The following AGBL4 variants were observed in gnomAD, a reference collection of about 807,000 sequenced individuals.
AGBL4 encodes cytosolic carboxypeptidase 6.
In AGBL4, 58 loss-of-function variants were observed where a neutral mutation model predicts 66.4. The observed-to-expected ratio is 0.87, with a 90% CI of 0.71 to 1.09. The LOEUF is 1.09. AGBL4 is among the 50% of genes least tolerant of loss of function. The pLI, the probability that AGBL4 is intolerant of heterozygous loss-of-function variation, is 0.00. For synonymous variants in AGBL4, 234 were observed against 222.9 expected (o/e 1.05, Z -0.44); for missense variants, 579 against 631.0 (o/e 0.92, Z 0.88).
intron 5 of AGBL4, among the ~76,000 whole-genome samples, chr1:48,971,795 C>A (rs1658926390): frequency 6.6e-6 from 1 of 152,132 alleles, no homozygotes; most frequent in South Asian, 2.1e-4. Flanking sequence ...TTTTACTGTA[C>A]ATAAACCTCA....
chr1:49,403,551 G>A (rs1318064377), intron 3 of AGBL4, among the ~76,000 whole-genome samples: 1 of 152,118 alleles, frequency 6.6e-6, no homozygotes, highest in Admixed American at 6.5e-5. Context: ...TTTTCTGTCT[G>A]AAAGGTCACA....
At chr1:49,476,408 G>GTAGATTAT (rs1646846226) in intron 3 of AGBL4, among the ~76,000 whole-genome samples, 1 of 152,000 alleles carries the variant, frequency 6.6e-6, no homozygotes, top group Admixed American at 6.6e-5. Context: ...TTCTGTAGAT[G>GTAGATTAT]TCTATTAGAT....
chr1:49,353,228 T>G (rs1230079295), intron 3 of AGBL4, among the ~76,000 whole-genome samples: 1 of 152,282 alleles, frequency 6.6e-6, no homozygotes, highest in East Asian at 1.9e-4. Flanking sequence ...AAAGTTTCAG[T>G]TTATTCATCA....
chr1:48,635,705 C>T (rs1011429595), intron 8 of AGBL4, among the ~76,000 whole-genome samples: 1 of 152,198 alleles, frequency 6.6e-6, no homozygotes, highest in African/African-American at 2.4e-5. Context: ...TCATGGACTG[C>T]ACTCTCCCTA....
intron 2 of AGBL4, among the ~76,000 whole-genome samples, chr1:49,760,980 T>G (rs930771897): frequency 2.0e-5 from 3 of 151,350 alleles, no homozygotes; most frequent in Non-Finnish European, 4.4e-5. Context: ...TGAGAACACA[T>G]GGACTCAGAG....
intron 4 of AGBL4, among the ~76,000 whole-genome samples, chr1:49,232,425 G>A (rs1042540546): frequency 3.3e-5 from 5 of 152,174 alleles, no homozygotes; most frequent in African/African-American, 9.6e-5. Context: ...TTGGCTGGGC[G>A]CGGTGGCTCA....
chr1:49,143,410 A>C (rs913590715), intron 4 of AGBL4, among the ~76,000 whole-genome samples: 2 of 152,176 alleles, frequency 1.3e-5, no homozygotes, highest in African/African-American at 4.8e-5. Context: ...CAGTGTCCCT[A>C]AGCACAGCCT....
chr1:49,702,335 A>G (rs1328936118), intron 2 of AGBL4, among the ~76,000 whole-genome samples: 1 of 152,106 alleles, frequency 6.6e-6, no homozygotes, highest in Non-Finnish European at 1.5e-5. Context: ...TACTAAAAAT[A>G]CAAAAATTAG....
chr1:49,101,746 G>C (rs190813687), intron 4 of AGBL4, among the ~76,000 whole-genome samples: 5 of 152,236 alleles, frequency 3.3e-5, no homozygotes. Flanking sequence ...GAGACAAATA[G>C]AGTTCAGAGG....
intron 6 of AGBL4, among the ~76,000 whole-genome samples, chr1:48,692,887 C>A (rs1423554562): frequency 1.3e-5 from 2 of 152,186 alleles, no homozygotes; most frequent in Admixed American, 1.3e-4. Context: ...GCAGCTGATA[C>A]ATATTGAGTG....
At chr1:49,356,236 A>G (rs1418222576) in intron 3 of AGBL4, among the ~76,000 whole-genome samples, 1 of 152,182 alleles carries the variant, frequency 6.6e-6, no homozygotes, top group Non-Finnish European at 1.5e-5. Flanking sequence ...CTATGGATTA[A>G]TTTGAATTTC....
chr1:49,116,975 T>C (rs1331700905), intron 4 of AGBL4, among the ~76,000 whole-genome samples: 2 of 152,226 alleles, frequency 1.3e-5, no homozygotes, highest in Non-Finnish European at 2.9e-5. Context: ...TGACCAGTGA[T>C]GATGAGCATT....
At chr1:49,094,110 C>G (rs1645048640) in intron 4 of AGBL4, among the ~76,000 whole-genome samples, 1 of 152,116 alleles carries the variant, frequency 6.6e-6, no homozygotes, top group South Asian at 2.1e-4. Context: ...AGAGTTGATA[C>G]AGATGCAGAG....
At chr1:49,152,067 C>A (rs1039283587) in intron 4 of AGBL4, among the ~76,000 whole-genome samples, 6 of 151,782 alleles carry the variant, frequency 4.0e-5, no homozygotes, top group African/African-American at 1.5e-4. Flanking sequence ...AAGTATCTTA[C>A]ATATACTAGC....
At chr1:49,282,752 G>A (rs929073354) in intron 3 of AGBL4, among the ~76,000 whole-genome samples, 2 of 152,206 alleles carry the variant, frequency 1.3e-5, no homozygotes, top group African/African-American at 4.8e-5. Flanking sequence ...GTCAAAGAAA[G>A]GGGTGACAGA....
At chr1:49,224,977 C>T (rs1241482606) in intron 4 of AGBL4, among the ~76,000 whole-genome samples, 1 of 152,136 alleles carries the variant, frequency 6.6e-6, no homozygotes, top group Non-Finnish European at 1.5e-5. Context: ...TCTCTGTGTA[C>T]TTACACTTGT....
intron 7 of AGBL4, among the ~76,000 whole-genome samples, chr1:48,656,838 G>C (rs1188832780): frequency 1.3e-5 from 2 of 152,120 alleles, no homozygotes; most frequent in East Asian, 3.8e-4. Flanking sequence ...GGAGGGAAGA[G>C]GCAAGGGCTG....
chr1:49,746,664 G>T (rs2147823821), intron 2 of AGBL4, among the ~76,000 whole-genome samples: 1 of 152,086 alleles, frequency 6.6e-6, no homozygotes, highest in African/African-American at 2.4e-5. Context: ...TGAATATTTT[G>T]AACTGTAACT....
At chr1:49,542,104 A>T (rs971180628) in intron 3 of AGBL4, among the ~76,000 whole-genome samples, 1 of 152,182 alleles carries the variant, frequency 6.6e-6, no homozygotes, top group Non-Finnish European at 1.5e-5. Context: ...AAACACACCA[A>T]TCAGCACCTT....
Sources: gnomAD v4.1 joint callset for allele counts (sites outside exome capture counted in the v4.1 genomes callset) on GRCh38, gnomAD v4.1.1 for gene constraint, MANE v1.5 for transcripts, NCBI Gene and HGNC (gene_info 2026-07-23, HGNC 2026-07-21) for gene names.